TENM3: variants seen among roughly 807,000 people sequenced by gnomAD.
The protein encoded by TENM3 is teneurin-3.
Under a neutral mutation model 255.1 loss-of-function variants are expected in TENM3, and 63 were observed. The ratio of observed to expected loss-of-function variants is 0.25; its 90% CI spans 0.20 to 0.30. The LOEUF (loss-of-function observed/expected upper bound fraction) is 0.30, where lower values mean the gene tolerates loss of function less well. Among genes scored for constraint, TENM3 ranks in the 10% least tolerant of loss-of-function variants. TENM3 has a pLI of 1.00. For synonymous variants in TENM3, 1,306 were observed against 1,322.3 expected, an observed-to-expected ratio of 0.99 and a Z score of 0.27; for missense variants, 2,929 against 3,461.1, an observed-to-expected ratio of 0.85 and a Z score of 3.86.
intron 1 of TENM3, among the ~76,000 whole-genome samples, chr4:182,192,079 A>G (rs1436621488): frequency 6.6e-6 from 1 of 152,200 alleles, no homozygotes. Flanking sequence ...AGCTCCGAGA[A>G]TAATATTTCA....
chr4:182,791,217 CT>C (rs950993284), intron 25 of TENM3, among the ~76,000 whole-genome samples: 5 of 152,196 alleles, frequency 3.3e-5, no homozygotes, highest in African/African-American at 1.2e-4. Flanking sequence ...AAAATTGCCC[CT>C]GGGTCTGCCC....
At chr4:182,455,401 G>C (rs1479155287) in intron 3 of TENM3, among the ~76,000 whole-genome samples, 1 of 151,864 alleles carries the variant, frequency 6.6e-6, no homozygotes, top group Non-Finnish European at 1.5e-5. Context: ...TTGTCATTCT[G>C]AGTTGTGTTT....
chr4:181,573,251 G>A, the TENM3 span, among the ~76,000 whole-genome samples: 1 of 152,080 alleles, frequency 6.6e-6, no homozygotes, highest in African/African-American at 2.4e-5. Flanking sequence ...CTCTGAGTAT[G>A]TACCTAGCAC....
chr4:182,136,595 C>T, the TENM3 span, among the ~76,000 whole-genome samples: 33 of 152,210 alleles, frequency 2.2e-4, no homozygotes, highest in African/African-American at 6.3e-4. Context: ...CCCATACTCA[C>T]GTGGGAGTTT....
intron 1 of TENM3, among the ~76,000 whole-genome samples, chr4:182,195,914 G>A (rs1488016597): frequency 6.6e-6 from 1 of 152,022 alleles, no homozygotes; most frequent in Non-Finnish European, 1.5e-5. Context: ...ATCTATCCGA[G>A]GCTCTGGCTA....
chr4:182,191,974 G>A (rs544991174), intron 1 of TENM3, among the ~76,000 whole-genome samples: 1 of 152,288 alleles, frequency 6.6e-6, no homozygotes, highest in Admixed American at 6.5e-5. Flanking sequence ...ATGCAGCAAA[G>A]TATGGTCCCC....
chr4:181,754,229 A>T, the TENM3 span, among the ~76,000 whole-genome samples: 60,759 of 151,244 alleles, frequency 0.4, 12,373 homozygotes, highest in African/African-American at 0.46. Flanking sequence ...ATAACAAAGA[A>T]ACAACTTATC....
chr4:182,486,316 G>GT (rs1448191386), intron 3 of TENM3, among the ~76,000 whole-genome samples: 18 of 25,370 alleles, frequency 7.1e-4, no homozygotes, highest in East Asian at 0.01. Flanking sequence ...AATTGTGTGT[G>GT]GGGGGGAGGG....
the TENM3 span, among the ~76,000 whole-genome samples, chr4:181,472,155 A>G: frequency 6.6e-6 from 1 of 152,204 alleles, no homozygotes; most frequent in African/African-American, 2.4e-5. Flanking sequence ...AACAAGGCCT[A>G]TAGCCACCTG....
chr4:181,814,077 G>T, the TENM3 span, among the ~76,000 whole-genome samples: 3 of 152,098 alleles, frequency 2.0e-5, no homozygotes, highest in African/African-American at 4.8e-5. Flanking sequence ...ACGCATAAAA[G>T]AACTCATCCC....
chr4:181,994,566 T>TTC, the TENM3 span, among the ~76,000 whole-genome samples: 1 of 150,264 alleles, frequency 6.7e-6, no homozygotes, highest in South Asian at 2.1e-4. Context: ...TTTTTTTTTT[T>TTC]TTTGTGAACT....
At chr4:181,844,627 C>T in the TENM3 span, among the ~76,000 whole-genome samples, 18 of 151,384 alleles carry the variant, frequency 1.2e-4, no homozygotes, top group Non-Finnish European at 7.4e-5. Flanking sequence ...GAGATCACAC[C>T]ACTGCACTCC....
the TENM3 span, among the ~76,000 whole-genome samples, chr4:181,913,933 G>A: frequency 2.0e-5 from 3 of 152,192 alleles, no homozygotes; most frequent in African/African-American, 7.2e-5. Context: ...TAGCCAGGAG[G>A]CTGAGAAGCA....
chr4:182,460,259 A>G (rs888652071), intron 3 of TENM3, among the ~76,000 whole-genome samples: 2 of 152,160 alleles, frequency 1.3e-5, no homozygotes, highest in African/African-American at 4.8e-5. Context: ...TTATTTATCT[A>G]TGTCTTAAGC....
At chr4:181,907,542 C>T in the TENM3 span, among the ~76,000 whole-genome samples, 1 of 152,118 alleles carries the variant, frequency 6.6e-6, no homozygotes, top group East Asian at 1.9e-4. Flanking sequence ...TAAATCCTGG[C>T]CAGAGTCCTG....
the TENM3 span, among the ~76,000 whole-genome samples, chr4:181,883,380 A>C: frequency 6.6e-6 from 1 of 152,166 alleles, no homozygotes; most frequent in Non-Finnish European, 1.5e-5. Context: ...TATACCCATA[A>C]TACTACATAC....
At chr4:182,019,935 A>T in the TENM3 span, among the ~76,000 whole-genome samples, 1 of 152,012 alleles carries the variant, frequency 6.6e-6, no homozygotes, top group Non-Finnish European at 1.5e-5. Flanking sequence ...TCAGCCTCCC[A>T]AAGTGCTGGG....
the TENM3 span, among the ~76,000 whole-genome samples, chr4:181,554,632 T>C: frequency 1.3e-5 from 2 of 152,198 alleles, no homozygotes; most frequent in African/African-American, 4.8e-5. Context: ...TTTCACCTCA[T>C]GGATGTTATT....
chr4:181,494,908 G>T, the TENM3 span, among the ~76,000 whole-genome samples: 1 of 151,858 alleles, frequency 6.6e-6, no homozygotes, highest in African/African-American at 2.4e-5. Context: ...TGCCACTTCC[G>T]TGCCATCTTT....
Sources: gnomAD v4.1 joint callset for allele counts (sites outside exome capture counted in the v4.1 genomes callset) on GRCh38, gnomAD v4.1.1 for gene constraint, MANE v1.5 for transcripts, NCBI Gene and HGNC (gene_info 2026-07-23, HGNC 2026-07-21) for gene names.